Variants in RBKS observed in about 807,000 individuals in gnomAD.
RBKS encodes ribokinase.
RBKS carries 33 observed loss-of-function variants against 33.9 expected under a neutral mutation model. The ratio of observed to expected loss-of-function variants is 0.97; its 90% confidence interval spans 0.74 to 1.30. RBKS has a LOEUF of 1.30. Ranked by LOEUF, RBKS falls within the 50% of genes most tolerant of loss-of-function variation. RBKS has a pLI of 0.00. For synonymous variants in RBKS, 125 were observed against 143.0 expected (o/e 0.87, Z 0.90); for missense variants, 361 against 392.6 (o/e 0.92, Z 0.68).
intron 6 of RBKS, among the ~76,000 whole-genome samples, chr2:27,829,363 G>GTTT (rs35216618): frequency 3.0e-3 from 323 of 107,312 alleles, no homozygotes; most frequent in African/African-American, 5.6e-3. Context: ...GCTTTTCAGT[G>GTTT]TTTTTTTTTT....
rs146864449 is a variant in RBKS at position 27,837,859 on chromosome 2, T to A, written c.515-5082A>T. Among the ~76,000 whole-genome samples, 1 of 152,242 alleles carries A rather than the reference T, an allele frequency of 6.6e-6. No individual in the cohort carries two copies. Among genetic ancestry groups the A allele is most frequent in the African/African-American group, 2.4e-5 (1 of 41,536 alleles). ...GGGGCACAGGTTGAAAAGCTACCTA[T>A]TGAGTACCGTGCTCCCTACCTGGGC... On this transcript the variant is annotated intron_variant, in intron 5 of 7. Transcript: ENST00000302188. The surrounding 1 kb of genome is among the most constrained non-coding windows in gnomAD (Gnocchi z 4.0).
At chr2:27,878,660 G>T (rs1664364680) in intron 1 of RBKS, among the ~76,000 whole-genome samples, 1 of 152,022 alleles carries the variant, frequency 6.6e-6, no homozygotes, top group Non-Finnish European at 1.5e-5. Flanking sequence ...GTGTAAAAGT[G>T]TTTCTATTTC....
chr2:27,857,371 A>G (rs1455593280), intron 2 of RBKS, among the ~76,000 whole-genome samples: 1 of 152,232 alleles, frequency 6.6e-6, no homozygotes, highest in East Asian at 1.9e-4. Flanking sequence ...TGAAAAATGA[A>G]AAGTGAAAAC....
At chr2:27,854,995 A>G (rs1010306639) in intron 2 of RBKS, among the ~76,000 whole-genome samples, 1 of 152,204 alleles carries the variant, frequency 6.6e-6, no homozygotes, top group Admixed American at 6.5e-5. Context: ...ACTTTATTGT[A>G]TGCTTAAAAT....
rs533704662 is a variant in RBKS, at chr2:27,846,985, C to T, written c.349+57G>A. On this transcript the variant is annotated intron_variant, in intron 4 of 7. Coordinates refer to ENST00000302188, the MANE Select transcript of RBKS (RefSeq NM_022128.3). Reference sequence around the variant, plus strand: ...TATGGTAAAAATTGATGCTTCTGATCTAACTCTGGAAATACACTGTCTTAT... The same window carrying T: ...TATGGTAAAAATTGATGCTTCTGATTTAACTCTGGAAATACACTGTCTTAT... The T allele has an allele frequency of 5.6e-6, 7 of 1,247,068 alleles. No homozygotes were observed. The South Asian group carries it at 7.4e-5, about 13-fold the overall frequency. The allele number at this position is 1,247,068 out of a possible 1,614,324, so 77.3% of individuals were successfully genotyped here. A position where few individuals can be genotyped will look rare whatever the true frequency, so the allele number is the denominator to read the frequency against.
intron 1 of RBKS, among the ~76,000 whole-genome samples, chr2:27,886,613 G>A (rs1011215830): frequency 3.3e-5 from 5 of 152,112 alleles, no homozygotes; most frequent in African/African-American, 4.8e-5. Context: ...GGTGGCTCAC[G>A]CCTGTAACCC....
chr2:27,848,987 T>C (rs1663680154), intron 2 of RBKS, among the ~76,000 whole-genome samples: 1 of 152,136 alleles, frequency 6.6e-6, no homozygotes, highest in African/African-American at 2.4e-5. Flanking sequence ...CCCAGTAAGA[T>C]TGCTGGCTAT....
At chr2:27,834,653 T>A (rs571785516) in intron 5 of RBKS, among the ~76,000 whole-genome samples, 2 of 152,274 alleles carry the variant, frequency 1.3e-5, no homozygotes, top group South Asian at 2.1e-4. Flanking sequence ...TCACTTAAAC[T>A]TTTTAGGTTT....
At chr2:27,840,799 T>C (rs1663478454) in intron 5 of RBKS, among the ~76,000 whole-genome samples, 1 of 152,156 alleles carries the variant, frequency 6.6e-6, no homozygotes, top group Non-Finnish European at 1.5e-5. Flanking sequence ...CAACTTAAAG[T>C]GCGACACTGT....
chr2:27,832,889 T>C (rs1272200348), intron 5 of RBKS, 112 bp from the exon 6 acceptor site: 9 of 714,326 alleles, frequency 1.3e-5, no homozygotes, highest in Non-Finnish European at 2.0e-5. Context: ...CTTCATCTGG[T>C]TAAATATCCA....
intron 5 of RBKS, among the ~76,000 whole-genome samples, chr2:27,839,667 G>A (rs1663432853): frequency 6.6e-6 from 1 of 152,122 alleles, no homozygotes. Flanking sequence ...TAAAGATAAT[G>A]GAACTGTGAT....
At chr2:27,798,820 C>G (rs1677713934) in intron 7 of RBKS, among the ~76,000 whole-genome samples, 1 of 152,208 alleles carries the variant, frequency 6.6e-6, no homozygotes, top group Non-Finnish European at 1.5e-5. Context: ...GGACTTTTCC[C>G]TAGACTAACT....
At chr2:27,851,241 C>T (rs1378480714) in intron 2 of RBKS, among the ~76,000 whole-genome samples, 1 of 152,138 alleles carries the variant, frequency 6.6e-6, no homozygotes. Context: ...ACTTAGAAGT[C>T]CTTTGCCCTC....
At chr2:27,807,919 G>A (rs1677923921) in intron 7 of RBKS, among the ~76,000 whole-genome samples, 2 of 152,182 alleles carry the variant, frequency 1.3e-5, no homozygotes, top group African/African-American at 2.4e-5. Flanking sequence ...AAAAGAGGTG[G>A]AGGACTGCCT....
intron 7 of RBKS, among the ~76,000 whole-genome samples, chr2:27,791,697 A>G (rs1677530595): frequency 6.7e-6 from 1 of 148,766 alleles, no homozygotes; most frequent in African/African-American, 2.5e-5. Flanking sequence ...ACATATACAT[A>G]TACGTATACA....
chr2:27,865,252 G>C (rs941736854), intron 1 of RBKS, among the ~76,000 whole-genome samples: 1 of 152,106 alleles, frequency 6.6e-6, no homozygotes, highest in Non-Finnish European at 1.5e-5. Flanking sequence ...CCCAGGAGGC[G>C]GAGGTTGCAG....
intron 7 of RBKS, among the ~76,000 whole-genome samples, chr2:27,815,434 C>T (rs539530245): frequency 2.0e-4 from 30 of 152,118 alleles, no homozygotes; most frequent in Non-Finnish European, 4.0e-4. Flanking sequence ...CTCCTGAGCT[C>T]AATCTGCCCA....
chr2:27,828,317 G>T (rs1445240794), intron 6 of RBKS, among the ~76,000 whole-genome samples: 1 of 151,978 alleles, frequency 6.6e-6, no homozygotes, highest in African/African-American at 2.4e-5. Flanking sequence ...GAAAAAGGAA[G>T]GTTGGAGGGG....
chr2:27,819,208 CA>C (rs1445922925), intron 7 of RBKS, among the ~76,000 whole-genome samples: 1 of 152,070 alleles, frequency 6.6e-6, no homozygotes, highest in African/African-American at 2.4e-5. Context: ...AAGTAGGTTT[CA>C]TTCTGAGGCC....
Sources: allele counts gnomAD v4.1 joint callset (sites outside exome capture counted in the v4.1 genomes callset), GRCh38; gene constraint gnomAD v4.1.1; non-coding constraint Gnocchi (gnomAD v3.1); transcripts MANE v1.5; gene names NCBI Gene and HGNC (gene_info 2026-07-23, HGNC 2026-07-21).